Variants in GRID2 observed in about 807,000 individuals in gnomAD.
GRID2 encodes the protein glutamate ionotropic receptor delta type subunit 2.
Under a neutral mutation model 114.8 loss-of-function variants are expected in GRID2, and 33 were observed. That is an observed-to-expected ratio of 0.29 (90% CI 0.22 to 0.38). The LOEUF (loss-of-function observed/expected upper bound fraction) is 0.38, where lower values mean the gene tolerates loss of function less well. GRID2 is among the 10% of genes least tolerant of loss of function. The probability of loss-of-function intolerance (pLI) is 1.00; values close to 1 mark genes in which losing one functional copy is unlikely to be tolerated. For synonymous variants in GRID2, 505 were observed against 449.9 expected (o/e 1.12, Z -1.55); for missense variants, 1,184 against 1,257.7 (o/e 0.94, Z 0.89).
At chr4:93,367,736 A>G (rs533196749) in intron 8 of GRID2, among the ~76,000 whole-genome samples, 1 of 152,182 alleles carries the variant, frequency 6.6e-6, no homozygotes, top group African/African-American at 2.4e-5. Context: ...GTTGGCTTGA[A>G]AAACACTGTT....
At chr4:92,983,578 T>C (rs1279338843) in intron 2 of GRID2, among the ~76,000 whole-genome samples, 2 of 152,144 alleles carry the variant, frequency 1.3e-5, no homozygotes, top group African/African-American at 4.8e-5. Context: ...TATATGATTA[T>C]GAAATTTTCA....
intron 3 of GRID2, among the ~76,000 whole-genome samples, chr4:93,105,628 A>G (rs1278914215): frequency 6.6e-6 from 1 of 152,080 alleles, no homozygotes; most frequent in African/African-American, 2.4e-5. Context: ...GGGAAGAGTC[A>G]ATTTCCTTGC....
rs180735385 is a variant in GRID2, at chr4:92,478,423, G to T, written c.89-111708G>T. Among the ~76,000 whole-genome samples the T allele has an allele frequency of 6.6e-5, 10 of 152,140 alleles. No individual in the cohort carries two copies. The East Asian group carries it at 1.9e-3, about 29-fold the overall frequency. On this transcript the variant is annotated intron_variant, in intron 1 of 15. Coordinates refer to ENST00000282020, the MANE Select transcript of GRID2 (RefSeq NM_001510.4). ...ATGACTTGATGTGCTTAATAAATTA[G>T]TTATGCATCTTAATGATAGAAGACA...
intron 8 of GRID2, among the ~76,000 whole-genome samples, chr4:93,298,619 T>C (rs1754556749): frequency 6.6e-6 from 1 of 152,212 alleles, no homozygotes; most frequent in Non-Finnish European, 1.5e-5. Flanking sequence ...CACAAAGATA[T>C]TCTCTCTAAA....
At chr4:92,435,280 G>A (rs1290876349) in intron 1 of GRID2, among the ~76,000 whole-genome samples, 1 of 152,152 alleles carries the variant, frequency 6.6e-6, no homozygotes, top group African/African-American at 2.4e-5. Flanking sequence ...CCTGAGTGTA[G>A]CTTTGTGATC....
chr4:92,352,149 G>A (rs190747996), intron 1 of GRID2, among the ~76,000 whole-genome samples: 90 of 151,538 alleles, frequency 5.9e-4, no homozygotes, highest in African/African-American at 2.0e-3. Context: ...CCACATCCTC[G>A]GCAGCATTTA....
At chr4:93,177,803 A>G (rs1739485337) in intron 4 of GRID2, among the ~76,000 whole-genome samples, 1 of 152,090 alleles carries the variant, frequency 6.6e-6, no homozygotes, top group Non-Finnish European at 1.5e-5. Context: ...ATTTTTTTCT[A>G]AACTACCATT....
At chr4:93,222,044 T>C (rs1242562961) in intron 6 of GRID2, among the ~76,000 whole-genome samples, 1 of 152,114 alleles carries the variant, frequency 6.6e-6, no homozygotes, top group East Asian at 1.9e-4. Flanking sequence ...ATTGACTTTC[T>C]TTTTTTCTCC....
intron 1 of GRID2, among the ~76,000 whole-genome samples, chr4:92,568,036 G>A (rs1156322180): frequency 6.6e-6 from 1 of 152,032 alleles, no homozygotes; most frequent in Non-Finnish European, 1.5e-5. Context: ...ATTGAAGGCA[G>A]AGGCTGCAGT....
intron 8 of GRID2, among the ~76,000 whole-genome samples, chr4:93,384,598 T>C (rs570220195): frequency 3.3e-4 from 51 of 152,302 alleles, no homozygotes; most frequent in African/African-American, 1.2e-3. Context: ...TATATTTCCT[T>C]GTACCCCGTA....
intron 2 of GRID2, among the ~76,000 whole-genome samples, chr4:92,648,714 T>G (rs1214491382): frequency 6.7e-6 from 1 of 149,260 alleles, no homozygotes; most frequent in African/African-American, 2.5e-5. Context: ...AAATGAGTTA[T>G]GGAAGTATAC....
chr4:93,069,438 A>T (rs1235501459), intron 2 of GRID2, among the ~76,000 whole-genome samples: 1 of 152,026 alleles, frequency 6.6e-6, no homozygotes, highest in African/African-American at 2.4e-5. Flanking sequence ...AAGGCATATT[A>T]TAAATAGATT....
At chr4:93,427,769 TA>T (rs1243041579) in intron 10 of GRID2, among the ~76,000 whole-genome samples, 1 of 152,054 alleles carries the variant, frequency 6.6e-6, no homozygotes, top group Non-Finnish European at 1.5e-5. Context: ...AATAATATAG[TA>T]AAGTCTCCTC....
chr4:92,653,548 T>C (rs1732079669), intron 2 of GRID2, among the ~76,000 whole-genome samples: 1 of 151,964 alleles, frequency 6.6e-6, no homozygotes, highest in South Asian at 2.1e-4. Context: ...CCCATGAAAA[T>C]AGAGAATCTG....
chr4:92,456,178 C>G (rs572662080), intron 1 of GRID2, among the ~76,000 whole-genome samples: 1 of 151,824 alleles, frequency 6.6e-6, no homozygotes. Context: ...AAAAATCCCT[C>G]TAGCATTTTT....
chr4:93,173,202 T>C (rs72666915), intron 4 of GRID2, among the ~76,000 whole-genome samples: 3 of 152,272 alleles, frequency 2.0e-5, no homozygotes, highest in Non-Finnish European at 2.9e-5. Context: ...ATTAATCCAA[T>C]AGATTTTTTT....
chr4:92,605,095 T>G (rs1051058313), intron 2 of GRID2, among the ~76,000 whole-genome samples: 8 of 152,128 alleles, frequency 5.3e-5, no homozygotes, highest in East Asian at 1.9e-4. Flanking sequence ...GTAAGTTTCC[T>G]GAAGCCTTTC....
intron 8 of GRID2, among the ~76,000 whole-genome samples, chr4:93,340,630 T>C (rs370271282): frequency 2.6e-5 from 4 of 152,248 alleles, no homozygotes; most frequent in African/African-American, 7.2e-5. Context: ...AGTTCCTCTT[T>C]AAAGTGATGC....
At position 93,164,432 on chromosome 4, in the gene GRID2, T is replaced by G. The variant is rs545611282; in HGVS notation, c.736-42972T>G. 2.6e-5 allele frequency among the ~76,000 whole-genome samples: 4 copies of G among 152,198 alleles called. No homozygotes were observed. The East Asian group carries it at 7.7e-4, about 29-fold the overall frequency. On this transcript the variant is annotated intron_variant, in intron 4 of 15. Coordinates refer to ENST00000282020, the MANE Select transcript of GRID2 (RefSeq NM_001510.4). Reference sequence around the variant, plus strand: ...TAAACTCAGAATATAACAAGGCTCATTCCTGGGAATAATTTTTTAAAACAC... The same window carrying G: ...TAAACTCAGAATATAACAAGGCTCAGTCCTGGGAATAATTTTTTAAAACAC...
Sources: gnomAD v4.1 joint callset for allele counts (sites outside exome capture counted in the v4.1 genomes callset) on GRCh38, gnomAD v4.1.1 for gene constraint, MANE v1.5 for transcripts, NCBI Gene and HGNC (gene_info 2026-07-23, HGNC 2026-07-21) for gene names.